Variants in HSPG2 observed in about 807,000 individuals in gnomAD.
The protein encoded by HSPG2 is basement membrane-specific heparan sulfate proteoglycan core protein.
HSPG2 carries 278 observed loss-of-function variants against 526.6 expected under a neutral mutation model. The ratio of observed to expected loss-of-function variants is 0.53; its 90% CI spans 0.48 to 0.58. HSPG2 has a LOEUF of 0.58. HSPG2 is among the 20% of genes least tolerant of loss of function. The pLI is 0.00. For synonymous variants in HSPG2, 2,465 were observed against 2,555.4 expected, an observed-to-expected ratio of 0.96 and a Z score of 1.07; for missense variants, 5,354 against 6,099.5, an observed-to-expected ratio of 0.88 and a Z score of 4.07.
chr1:21,913,547 G>A (rs1643779640), intron 1 of HSPG2, among the ~76,000 whole-genome samples: 1 of 152,170 alleles, frequency 6.6e-6, no homozygotes, highest in African/African-American at 2.4e-5. Context: ...CCCACTCTCT[G>A]CTCCCTGCCC....
chr1:21,930,581 C>G (rs1355870144), intron 1 of HSPG2, among the ~76,000 whole-genome samples: 9 of 152,270 alleles, frequency 5.9e-5, no homozygotes, highest in Admixed American at 5.9e-4. Flanking sequence ...CAAGACCAAC[C>G]TGGCCAACAT....
intron 1 of HSPG2, among the ~76,000 whole-genome samples, chr1:21,917,424 C>T (rs1643912128): frequency 6.7e-6 from 1 of 149,304 alleles, no homozygotes; most frequent in Non-Finnish European, 1.5e-5. Context: ...CAGAGCAAGA[C>T]CCTGTCTCAA....
chr1:21,876,043 C>T lies in HSPG2; in HGVS notation c.3004-1G>A. On this transcript the variant is annotated splice_acceptor_variant, in intron 23 of 96. Coordinates refer to ENST00000374695, the MANE Select transcript of HSPG2 (RefSeq NM_005529.7). LOFTEE classifies it high-confidence loss of function. Reference sequence around the variant, plus strand: ...GCAGCTCTCCTCCATAGGAGGTCACCTGGGACCAGGGTTAGACAGGAGCTT... The same window carrying T: ...GCAGCTCTCCTCCATAGGAGGTCACTTGGGACCAGGGTTAGACAGGAGCTT... The T allele has an allele frequency of 6.2e-7, 1 of 1,613,886 alleles. No homozygotes were observed. The highest frequency in any genetic ancestry group is 8.5e-7 in the Non-Finnish European group (1 of 1,179,934).
chr1:21,842,851 A>T lies in HSPG2; in HGVS notation c.8829T>A (p.Asp2943Glu), dbSNP rs550895998. The change falls in exon 67 of 97, where the codon GAT becomes GAA. Residue 2943 changes from aspartate to glutamate, a missense_variant. Asp to Glu is a conservative substitution (Grantham distance 45, BLOSUM62 2). Coordinates refer to ENST00000374695, the MANE Select transcript of HSPG2 (RefSeq NM_005529.7). Reference sequence around the variant, plus strand: ...CCTGCCCGGGCACCACACAGTTCAGATCCAGAGTCTGCCCTTCAGTCACGT... The same window carrying T: ...CCTGCCCGGGCACCACACAGTTCAGTTCCAGAGTCTGCCCTTCAGTCACGT... ...SSHVTEGQTL[D>E]LNCVVPGQAH... is the part of the protein sequence containing the mutation. The T allele has an allele frequency of 5.0e-6, 8 of 1,614,078 alleles. 1 individual carries two copies. The South Asian group carries it at 7.7e-5, about 16-fold the overall frequency.
At chr1:21,827,801 G>T in intron 91 of HSPG2, 62 bp downstream of exon 91, 2 of 1,500,550 alleles carry the variant, frequency 1.3e-6, no homozygotes, top group South Asian at 1.2e-5. Context: ...AATTGAGGGT[G>T]TGGGGTAACT....
intron 1 of HSPG2, among the ~76,000 whole-genome samples, chr1:21,929,493 C>T (rs1161476401): frequency 3.3e-5 from 5 of 151,938 alleles, no homozygotes; most frequent in Admixed American, 3.3e-4. Context: ...CTGCAACCTC[C>T]ACCTCCTGGG....
chr1:21,884,742 G>C (rs377613933), intron 12 of HSPG2, 25 bp downstream of exon 12: 1 of 1,612,380 alleles, frequency 6.2e-7, no homozygotes, highest in Non-Finnish European at 8.5e-7. Flanking sequence ...CCCCACACCC[G>C]GTGACACCTG....
chr1:21,856,755 C>T (rs1245934762), intron 44 of HSPG2, among the ~76,000 whole-genome samples: 1 of 152,190 alleles, frequency 6.6e-6, no homozygotes, highest in African/African-American at 2.4e-5. Flanking sequence ...TCATTCCTAG[C>T]CTGGCACTCA....
In HSPG2 at chr1:21,891,845, A is replaced by G. The variant is rs553471628; in HGVS notation, c.245-1151T>C. Among the ~76,000 whole-genome samples the G allele has an allele frequency of 4.6e-5, 7 of 152,312 alleles. No homozygotes were observed. In the South Asian group the frequency reaches 1.5e-3, roughly 32 times the overall value. On this transcript the variant is annotated intron_variant, in intron 3 of 96. Coordinates refer to ENST00000374695, the MANE Select transcript of HSPG2 (RefSeq NM_005529.7). ...AGGCTGGTCTCAAACTCCTGGGCTCAAGCAATCCTCTCACTTTGGCCTCCC... is the reference window on the plus strand; with the variant it reads ...AGGCTGGTCTCAAACTCCTGGGCTCGAGCAATCCTCTCACTTTGGCCTCCC...
In HSPG2 at chr1:21,844,287, G is replaced by A. The variant is rs141477263; in HGVS notation, c.8477C>T (p.Ala2826Val). 1.9e-6 allele frequency: 3 copies of A among 1,612,820 alleles called. No homozygotes were observed. Among genetic ancestry groups the A allele is most frequent in the Non-Finnish European group, 2.5e-6 (3 of 1,179,482 alleles). The change falls in exon 65 of 97, where the codon GCC becomes GTC. Residue 2826 changes from alanine to valine, a missense_variant. Transcript: ENST00000374695. ...GGAGGGCTCGATGCGGATGGGTGGG[G>A]CTCCACCTGGGGCTGGGGCACAGGG... ...SAVHVPAPGG[A>V]PPIRIEPSSS...
chr1:21,827,954 A>G (rs2097983952), intron 90 of HSPG2, 35 bp from the exon 91 acceptor site: 2 of 1,608,890 alleles, frequency 1.2e-6, no homozygotes, highest in Non-Finnish European at 1.7e-6. Context: ...TGGTGGGCAT[A>G]GACACCCGTG....
rs1348483701 is a variant in HSPG2 at position 21,898,436 on chromosome 1, C to T, written c.64-2126G>A. Among the ~76,000 whole-genome samples the T allele has an allele frequency of 1.3e-5, 2 of 152,186 alleles. No homozygotes were observed. The highest frequency in any genetic ancestry group is 1.5e-5 in the Non-Finnish European group (1 of 68,034). ...ACTTCTAGGCTGTGCCCGTGGGATG[C>T]GCATTCAGGAGTGTGCTTTAGAACG... On this transcript the variant is annotated intron_variant, in intron 1 of 96. Transcript: ENST00000374695. The surrounding 1 kb of genome is among the most constrained non-coding windows in gnomAD (Gnocchi z 4.0).
chr1:21,925,391 C>T (rs961191119), intron 1 of HSPG2, among the ~76,000 whole-genome samples: 3 of 152,188 alleles, frequency 2.0e-5, no homozygotes, highest in African/African-American at 7.2e-5. Context: ...CTCTGCCTTG[C>T]ATTTCACCCA....
chr1:21,855,770 T>A lies in HSPG2; in HGVS notation c.5701+17A>T, dbSNP rs1373410042. The A allele has an allele frequency of 6.2e-7, 1 of 1,612,526 alleles. No homozygotes were observed. Among genetic ancestry groups the A allele is most frequent in the Admixed American group, 1.7e-5 (1 of 59,888 alleles). On this transcript the variant is annotated intron_variant, in intron 45 of 96. Transcript: ENST00000374695. ...AGGAGAGTCAGGCCTTGAATGTCAT[T>A]CCCATCACGGCCTCACCTGTCCACT...
intron 13 of HSPG2, among the ~76,000 whole-genome samples, chr1:21,883,375 T>G (rs1641648733): frequency 6.6e-6 from 1 of 152,194 alleles, no homozygotes; most frequent in Non-Finnish European, 1.5e-5. Flanking sequence ...TGGAGTGCAA[T>G]GGTGTGATCA....
rs1643826926 is a variant in HSPG2 at position 21,914,442 on chromosome 1, C to T, written c.64-18132G>A. 2.6e-5 allele frequency among the ~76,000 whole-genome samples: 4 copies of T among 152,142 alleles called. No individual in the cohort carries two copies. In the South Asian group the frequency reaches 8.3e-4, roughly 32 times the overall value. On this transcript the variant is annotated intron_variant, in intron 1 of 96. Coordinates refer to ENST00000374695, the MANE Select transcript of HSPG2 (RefSeq NM_005529.7). ...ACAGCCAGGAGGCCGGTTATCTAACCCCCATGACTGCCCTGAGAGCTAGGT... is the reference window on the plus strand; with the variant it reads ...ACAGCCAGGAGGCCGGTTATCTAACTCCCATGACTGCCCTGAGAGCTAGGT...
intron 1 of HSPG2, among the ~76,000 whole-genome samples, chr1:21,913,010 CAG>C (rs1435263231): frequency 1.3e-5 from 2 of 151,058 alleles, no homozygotes; most frequent in East Asian, 3.9e-4. Flanking sequence ...ATTATGTATA[CAG>C]AGTGTTAAGA....
rs1214568749 is a variant in HSPG2 at position 21,898,112 on chromosome 1, T to C, written c.64-1802A>G. ...GGACAAAAACGGAATTCATCACCTA[T>C]GAATTCCAGTCACTCTGTGAAGATG... On this transcript the variant is annotated intron_variant, in intron 1 of 96. Coordinates refer to ENST00000374695, the MANE Select transcript of HSPG2 (RefSeq NM_005529.7). This position sits in a 1 kb window ranked among gnomAD's most constrained non-coding sequence, Gnocchi z 4.0. Among the ~76,000 whole-genome samples, 2 of 152,248 alleles carry C rather than the reference T, an allele frequency of 1.3e-5. No homozygotes were observed. The highest frequency in any genetic ancestry group is 2.4e-5 in the African/African-American group (1 of 41,460).
Position 21,847,034 on chromosome 1 carries a change from A to G in HSPG2, c.8164+320T>C, listed in dbSNP as rs1638492197. 2.6e-5 allele frequency among the ~76,000 whole-genome samples: 4 copies of G among 152,200 alleles called. No homozygotes were observed. The highest frequency in any genetic ancestry group is 7.2e-5 in the African/African-American group (3 of 41,466). ...AAAATGATAATAATAGTTAACACTTATAAAGCACTTCTGGCATGCCAGGCA... is the reference window on the plus strand; with the variant it reads ...AAAATGATAATAATAGTTAACACTTGTAAAGCACTTCTGGCATGCCAGGCA... On this transcript the variant is annotated intron_variant, in intron 62 of 96. Transcript: ENST00000374695. This position sits in a 1 kb window ranked among gnomAD's most constrained non-coding sequence, Gnocchi z 4.1.
Sources: allele counts gnomAD v4.1 joint callset (sites outside exome capture counted in the v4.1 genomes callset), GRCh38; gene constraint gnomAD v4.1.1; non-coding constraint Gnocchi (gnomAD v3.1); transcripts MANE v1.5; gene names NCBI Gene and HGNC (gene_info 2026-07-23, HGNC 2026-07-21).